The following NBR1 variants were observed in gnomAD, a reference collection of about 807,000 sequenced individuals.
NBR1 encodes next to BRCA1 gene 1 protein.
NBR1 carries 59 observed loss-of-function variants against 115.5 expected under a neutral mutation model. The ratio of observed to expected loss-of-function variants is 0.51; its 90% confidence interval spans 0.41 to 0.63. The LOEUF (loss-of-function observed/expected upper bound fraction) is 0.63, where lower values mean the gene tolerates loss of function less well. NBR1 is among the 30% of genes least tolerant of loss of function. The pLI, the probability that NBR1 is intolerant of heterozygous loss-of-function variation, is 0.00. For missense variants in NBR1, 1,043 were observed against 1,150.5 expected (o/e 0.91, Z 1.35); for synonymous variants, 373 against 414.7 (o/e 0.90, Z 1.22).
At chr17:43,199,769 A>T (rs1385726531) in intron 16 of NBR1, among the ~76,000 whole-genome samples, 17 of 152,124 alleles carry the variant, frequency 1.1e-4, no homozygotes, top group Admixed American at 1.1e-3. Flanking sequence ...AGAGGAGGAG[A>T]TAGACATATA....
At position 43,186,439 on chromosome 17, in the gene NBR1, G is replaced by T; in HGVS notation, c.397G>T (p.Val133Leu). The stretch of plus-strand genomic sequence containing the variant: ...CATGAAGACCCCAGAGGATCCTGCA[G>T]TGCAGGTATGAAGGGTATGGCCCAG... Reference protein sequence around the residue: ...SDMKTPEDPAVQSFPLVPCDT... With the variant: ...SDMKTPEDPALQSFPLVPCDT... The change falls in exon 6 of 21, where the codon GTG (valine) becomes TTG (leucine). Residue 133 changes from valine to leucine, a missense_variant. Physicochemically the swap from Val to Leu is conservative, Grantham distance 32. Transcript: ENST00000590996. 6.3e-7 allele frequency: 1 copy of T among 1,575,420 alleles called. No individual in the cohort carries two copies. The highest frequency in any genetic ancestry group is 2.3e-5 in the East Asian group (1 of 43,316).
At chr17:43,182,211 CTT>C (rs752789312) in intron 5 of NBR1, among the ~76,000 whole-genome samples, 8 of 71,606 alleles carry the variant, frequency 1.1e-4, no homozygotes, top group African/African-American at 2.6e-4. Flanking sequence ...CTGTTCTCTC[CTT>C]TTTTTTTTTT....
rs187361720 is a variant in NBR1 at position 43,198,171 on chromosome 17, A to G, written c.2026+1065A>G. On this transcript the variant is annotated intron_variant, in intron 16 of 20. Coordinates refer to ENST00000590996, the MANE Select transcript of NBR1 (RefSeq NM_005899.5). ...AACAAGAGTGAAACTCCGTCTCAAA[A>G]AAAAAAAAAGGAATAAATACCTTTA... is the stretch of plus-strand genomic sequence containing the variant. Among the ~76,000 whole-genome samples, 606 of 152,040 alleles carry G rather than the reference A, an allele frequency of 4.0e-3. 3 individuals are homozygous for G. The highest frequency in any genetic ancestry group is 0.014 in the African/African-American group (581 of 41,466).
chr17:43,185,002 T>A (rs1254064073), intron 5 of NBR1, among the ~76,000 whole-genome samples: 1 of 151,112 alleles, frequency 6.6e-6, no homozygotes, highest in Non-Finnish European at 1.5e-5. Flanking sequence ...GGCAGGAGAA[T>A]CGCTTGAACC....
In NBR1 at chr17:43,177,951, G is replaced by T; in HGVS notation, c.118G>T (p.Asp40Tyr). 5 of 1,546,848 alleles carry T rather than the reference G, an allele frequency of 3.2e-6. No individual in the cohort carries two copies. In the South Asian group the frequency reaches 5.7e-5, roughly 18 times the overall value. ...TCTTTTATAGGTAAAAGTTTCATTT[G>T]ATCTGAATACTATTCAAATAAAATA... ...DIEAMVKVSF[D>Y]LNTIQIKYLD... Residue 40 changes from aspartate to tyrosine, a missense_variant, in exon 3 of 21, where the codon GAT becomes TAT. Asp to Tyr is a radical substitution (Grantham distance 160). Coordinates refer to ENST00000590996, the MANE Select transcript of NBR1 (RefSeq NM_005899.5).
rs57886411 is a variant in NBR1 at position 43,186,003 on chromosome 17, A to AAAATAAAT, written c.208-206_208-199dup. ...GCAACAAGAGCAAAACTCCGTCTCA[A>AAAATAAAT]AAATAAATAAATAAATAAATAAATA... On this transcript the variant is annotated intron_variant, in intron 5 of 20. Coordinates refer to ENST00000590996, the MANE Select transcript of NBR1 (RefSeq NM_005899.5). 9.4e-4 allele frequency among the ~76,000 whole-genome samples: 139 copies of AAAATAAAT among 147,194 alleles called. 1 individual carries two copies. The highest frequency in any genetic ancestry group is 3.3e-3 in the African/African-American group (133 of 39,756).
intron 20 of NBR1, chr17:43,209,670 C>A: frequency 1.3e-6 from 2 of 1,535,466 alleles, no homozygotes; most frequent in Non-Finnish European, 1.7e-6. Context: ...CCCCGGTTTC[C>A]CTTTTCTCCT....
chr17:43,181,221 G>A (rs1040029988), intron 5 of NBR1, among the ~76,000 whole-genome samples: 2 of 152,308 alleles, frequency 1.3e-5, no homozygotes, highest in Middle Eastern at 3.4e-3. Flanking sequence ...TAGTTATGGG[G>A]AGAGACTAGT....
intron 2 of NBR1, chr17:43,176,594 G>C (rs1162806121): frequency 6.6e-6 from 1 of 151,766 alleles, no homozygotes; most frequent in African/African-American, 2.4e-5. Flanking sequence ...AAGATGATCT[G>C]AGGTAGTTGT....
rs2056942042 is a variant in NBR1, at chr17:43,191,395, A to G, written c.887A>G (p.Asn296Ser). 6.2e-7 allele frequency: 1 copy of G among 1,612,986 alleles called. No individual in the cohort carries two copies. The highest frequency in any genetic ancestry group is 8.5e-7 in the Non-Finnish European group (1 of 1,179,274). ...QVRLQKQVDKNFLKAEKQRLR... is the reference protein window; with the variant it reads ...QVRLQKQVDKSFLKAEKQRLR... Reference sequence around the variant, plus strand: ...AGGCTCCAGAAACAGGTTGATAAGAACTTTCTTAAAGCAGAAAAGCAAAGG... The same window carrying G: ...AGGCTCCAGAAACAGGTTGATAAGAGCTTTCTTAAAGCAGAAAAGCAAAGG... Residue 296 changes from asparagine (N) to serine (S), a missense_variant, in exon 10 of 21, where the codon AAC (asparagine) becomes AGC (serine). Asn to Ser is a conservative substitution (Grantham distance 46). Transcript: ENST00000590996.
At chr17:43,198,662 A>G (rs2057122450) in intron 16 of NBR1, among the ~76,000 whole-genome samples, 1 of 144,942 alleles carries the variant, frequency 6.9e-6, no homozygotes, top group Non-Finnish European at 1.5e-5. Context: ...AAAAAAAAAA[A>G]TAATAAAGTG....
At chr17:43,186,169 T>C (rs781415166) in intron 5 of NBR1, 81 bp from the exon 6 acceptor site, 56 of 1,238,288 alleles carry the variant, frequency 4.5e-5, no homozygotes, top group Non-Finnish European at 5.6e-5. Flanking sequence ...TACCACACTC[T>C]TCTGTTTTGA....
chr17:43,202,793 T>A, intron 19 of NBR1, 81 bp downstream of exon 19: 1 of 1,092,380 alleles, frequency 9.2e-7, no homozygotes, highest in Non-Finnish European at 1.4e-6. Context: ...CCTCTCACAG[T>A]ATGTACCCAT....
chr17:43,200,705 A>C, intron 17 of NBR1, 97 bp downstream of exon 17: 1 of 1,070,946 alleles, frequency 9.3e-7, no homozygotes, highest in Non-Finnish European at 1.3e-6. Flanking sequence ...CTCAGTATGG[A>C]AAGAGACTAT....
At chr17:43,175,112 ATAAAT>A (rs2056476196) in intron 1 of NBR1, among the ~76,000 whole-genome samples, 1 of 152,184 alleles carries the variant, frequency 6.6e-6, no homozygotes, top group Admixed American at 6.5e-5. Flanking sequence ...AAATAAATAA[ATAAAT>A]AAAATAAAAT....
chr17:43,186,827 T>C (rs1340153713), intron 6 of NBR1, among the ~76,000 whole-genome samples: 2 of 152,232 alleles, frequency 1.3e-5, no homozygotes, highest in Admixed American at 6.5e-5. Flanking sequence ...GCTTCATCCA[T>C]GTCCCTGCAA....
chr17:43,200,301 G>A lies in NBR1; in HGVS notation c.2161G>A (p.Val721Ile), dbSNP rs1309655901. 3.2e-6 allele frequency: 5 copies of A among 1,552,088 alleles called. No individual in the cohort carries two copies. The South Asian group carries it at 3.6e-5, about 11-fold the overall frequency. The part of the protein sequence containing the change: ...EEEEDELKDE[V>I]QSQSSASSED... The stretch of plus-strand genomic sequence containing the variant: ...GGAGGAGGATGAGCTCAAAGATGAA[G>A]TTCAAAGTCAGTCCTCTGCTTCCTC... Residue 721 changes from valine to isoleucine, a missense_variant, in exon 17 of 21, where the codon GTT becomes ATT. Transcript: ENST00000590996.
intron 1 of NBR1, among the ~76,000 whole-genome samples, 200 bp from the exon 2 acceptor site, chr17:43,175,591 C>G (rs536327965): frequency 6.6e-6 from 1 of 152,190 alleles, no homozygotes; most frequent in East Asian, 1.9e-4. Context: ...GCCTATCTTT[C>G]TTTCCTGAAA....
intron 6 of NBR1, among the ~76,000 whole-genome samples, chr17:43,188,403 T>A (rs976782762): frequency 6.6e-6 from 1 of 152,202 alleles, no homozygotes; most frequent in African/African-American, 2.4e-5. Flanking sequence ...TCTCTCATTG[T>A]GTAGGTTGCC....
Sources: gnomAD v4.1 joint callset for allele counts (sites outside exome capture counted in the v4.1 genomes callset) on GRCh38, gnomAD v4.1.1 for gene constraint, MANE v1.5 for transcripts, NCBI Gene and HGNC (gene_info 2026-07-23, HGNC 2026-07-21) for gene names.